The following ALK variants were observed in gnomAD, a reference collection of about 807,000 sequenced individuals.
ALK encodes ALK receptor tyrosine kinase, also known as ALK tyrosine kinase receptor.
A neutral mutation model predicts 163.1 loss-of-function variants in ALK; 74 were observed. The ratio of observed to expected loss-of-function variants is 0.45; its 90% CI spans 0.38 to 0.55. ALK has a LOEUF of 0.55. Ranked by LOEUF, ALK falls within the 20% of genes least tolerant of loss-of-function variation. The pLI, the probability that ALK is intolerant of heterozygous loss-of-function variation, is 0.00. For missense variants in ALK, 2,063 were observed against 2,105.3 expected (o/e 0.98, Z 0.39); for synonymous variants, 960 against 843.2 (o/e 1.14, Z -2.40).
intron 1 of ALK, among the ~76,000 whole-genome samples, chr2:29,829,373 T>C (rs1176431908): frequency 6.6e-6 from 1 of 152,030 alleles, no homozygotes; most frequent in East Asian, 1.9e-4. Context: ...CCATATTCTT[T>C]GTGCCTTCTA....
At chr2:29,438,172 A>C (rs571464000) in intron 4 of ALK, among the ~76,000 whole-genome samples, 1 of 152,178 alleles carries the variant, frequency 6.6e-6, no homozygotes, top group South Asian at 2.1e-4. Context: ...TATTTTATTC[A>C]ATCTTCATAA....
intron 1 of ALK, among the ~76,000 whole-genome samples, chr2:29,814,212 G>C (rs954057306): frequency 6.6e-6 from 1 of 152,188 alleles, no homozygotes; most frequent in African/African-American, 2.4e-5. Context: ...AGGCCCAGCG[G>C]CTAACTGACT....
intron 3 of ALK, among the ~76,000 whole-genome samples, chr2:29,568,079 C>T (rs1347431416): frequency 1.3e-5 from 2 of 152,162 alleles, no homozygotes; most frequent in African/African-American, 4.8e-5. Context: ...ATATCTGTAC[C>T]AGCACACAGC....
intron 4 of ALK, among the ~76,000 whole-genome samples, chr2:29,499,548 A>C (rs987240645): frequency 6.6e-6 from 1 of 151,870 alleles, no homozygotes; most frequent in Non-Finnish European, 1.5e-5. Context: ...CAAATACTCG[A>C]AGTTCAGATA....
chr2:29,695,884 A>G (rs1449296440), intron 2 of ALK, among the ~76,000 whole-genome samples: 1 of 152,230 alleles, frequency 6.6e-6, no homozygotes, highest in African/African-American at 2.4e-5. Context: ...ATGTGGAGAA[A>G]TAGAAATAGA....
At chr2:29,650,496 T>C (rs932293441) in intron 3 of ALK, among the ~76,000 whole-genome samples, 6 of 152,184 alleles carry the variant, frequency 3.9e-5, no homozygotes, top group Admixed American at 3.3e-4. Context: ...TCTTAAGACG[T>C]CCCGGGGCTT....
chr2:29,646,154 T>G (rs1676868111), intron 3 of ALK, among the ~76,000 whole-genome samples: 2 of 152,142 alleles, frequency 1.3e-5, no homozygotes, highest in African/African-American at 4.8e-5. Context: ...CATGAGTCAC[T>G]GACACAAACT....
chr2:29,582,024 T>G (rs1057040468), intron 3 of ALK, among the ~76,000 whole-genome samples: 1 of 152,162 alleles, frequency 6.6e-6, no homozygotes, highest in Non-Finnish European at 1.5e-5. Flanking sequence ...GAGCATTCAT[T>G]CAACAAGCAT....
At chr2:29,532,518 C>G (rs2148159253) in intron 3 of ALK, among the ~76,000 whole-genome samples, 1 of 152,334 alleles carries the variant, frequency 6.6e-6, no homozygotes, top group Admixed American at 6.5e-5. Flanking sequence ...TCAGTTTCCT[C>G]CCTTGTAAAA....
At chr2:29,777,338 C>A (rs1681204635) in intron 1 of ALK, among the ~76,000 whole-genome samples, 1 of 152,114 alleles carries the variant, frequency 6.6e-6, no homozygotes, top group African/African-American at 2.4e-5. Flanking sequence ...CATCACCCAG[C>A]CTACGAGTCA....
intron 1 of ALK, among the ~76,000 whole-genome samples, chr2:29,819,703 G>T (rs1462337925): frequency 6.6e-6 from 1 of 152,222 alleles, no homozygotes; most frequent in East Asian, 1.9e-4. Context: ...GCTGTTGCAT[G>T]TGTTTTTTTG....
chr2:29,703,325 T>C (rs550471400), intron 2 of ALK, among the ~76,000 whole-genome samples: 1 of 152,342 alleles, frequency 6.6e-6, no homozygotes, highest in African/African-American at 2.4e-5. Context: ...AGTCGTACAA[T>C]CTTTTCCCAT....
rs552735290 is a variant in ALK at position 29,712,636 on chromosome 2, G to C, written c.787+4942C>G. On this transcript the variant is annotated intron_variant, in intron 2 of 28. Transcript: ENST00000389048. ...AGGCTGATTTTTTTTTTTTGAGAGA[G>C]AGATATTTAATTTACCTAGTCTTTT... 2.0e-5 allele frequency among the ~76,000 whole-genome samples: 3 copies of C among 151,804 alleles called. No individual in the cohort carries two copies. The East Asian group carries it at 5.8e-4, about 29-fold the overall frequency.
chr2:29,301,667 CTTTACAG>C (rs1666374223), intron 8 of ALK, among the ~76,000 whole-genome samples: 2 of 152,340 alleles, frequency 1.3e-5, no homozygotes, highest in South Asian at 4.1e-4. Flanking sequence ...CTCCCTGGAA[CTTTACAG>C]TTTAAAGTAG....
At chr2:29,798,805 G>A (rs1664389031) in intron 1 of ALK, among the ~76,000 whole-genome samples, 1 of 152,120 alleles carries the variant, frequency 6.6e-6, no homozygotes, top group Non-Finnish European at 1.5e-5. Context: ...CTAGAGAGAA[G>A]GACTCTGACC....
At chr2:29,478,506 C>T (rs1237512211) in intron 4 of ALK, among the ~76,000 whole-genome samples, 1 of 152,238 alleles carries the variant, frequency 6.6e-6, no homozygotes, top group East Asian at 1.9e-4. Flanking sequence ...CTTTCCACGA[C>T]TCCTCCTTCT....
chr2:29,411,750 G>T (rs775001540), intron 4 of ALK, among the ~76,000 whole-genome samples: 15 of 152,090 alleles, frequency 9.9e-5, no homozygotes, highest in Non-Finnish European at 1.6e-4. Context: ...CAACTCATTA[G>T]TCAATTCCTC....
At chr2:29,250,992 G>T in intron 12 of ALK, 113 bp downstream of exon 12, 2 of 1,101,660 alleles carry the variant, frequency 1.8e-6, no homozygotes, top group East Asian at 2.6e-5. Context: ...TGAGTCTGTT[G>T]CCTTTGAACC....
chr2:29,444,108 A>T (rs1243547753), intron 4 of ALK, among the ~76,000 whole-genome samples: 2 of 152,208 alleles, frequency 1.3e-5, no homozygotes, highest in African/African-American at 4.8e-5. Flanking sequence ...CGTGATTGCC[A>T]TTGGAATGTT....
Sources: gnomAD v4.1 joint callset for allele counts (sites outside exome capture counted in the v4.1 genomes callset) on GRCh38, gnomAD v4.1.1 for gene constraint, MANE v1.5 for transcripts, NCBI Gene and HGNC (gene_info 2026-07-23, HGNC 2026-07-21) for gene names.